Variants in LGALS3 observed in about 807,000 individuals in gnomAD.
LGALS3 encodes galectin-3.
A neutral mutation model predicts 20.7 loss-of-function variants in LGALS3; 18 were observed. That is an observed-to-expected ratio of 0.87 (90% CI 0.60 to 1.29). The LOEUF is 1.29. LGALS3 is among the 50% of genes most tolerant of loss of function. The pLI, the probability that LGALS3 is intolerant of heterozygous loss-of-function variation, is 0.00. For synonymous variants in LGALS3, 112 were observed against 119.6 expected, an observed-to-expected ratio of 0.94 and a Z score of 0.42; for missense variants, 315 against 314.7, an observed-to-expected ratio of 1.00 and a Z score of -0.01.
At chr14:55,139,120 T>G (rs1008237849) in intron 3 of LGALS3, among the ~76,000 whole-genome samples, 4 of 151,190 alleles carry the variant, frequency 2.6e-5, no homozygotes, top group African/African-American at 9.7e-5. Flanking sequence ...CTTGGGGGAG[T>G]GGGTGGCATT....
chr14:55,142,051 C>T (rs1481529347), intron 4 of LGALS3, among the ~76,000 whole-genome samples: 1 of 152,164 alleles, frequency 6.6e-6, no homozygotes, highest in Non-Finnish European at 1.5e-5. Context: ...TACAACTTAG[C>T]AACAAGATAC....
chr14:55,138,503 G>C, intron 3 of LGALS3, 135 bp downstream of exon 3: 1 of 925,276 alleles, frequency 1.1e-6, no homozygotes, highest in South Asian at 1.3e-5. Context: ...AAAAAATTAA[G>C]TGTTCATATT....
chr14:55,130,753 T>TTG (rs1555379987), intron 1 of LGALS3, among the ~76,000 whole-genome samples: 14 of 60,936 alleles, frequency 2.3e-4, no homozygotes, highest in African/African-American at 6.9e-4. Flanking sequence ...GTGGTGGTGG[T>TTG]GGGGGGGGGG....
chr14:55,130,679 C>T (rs923438477), intron 1 of LGALS3, among the ~76,000 whole-genome samples: 22 of 150,860 alleles, frequency 1.5e-4, no homozygotes, highest in African/African-American at 5.4e-4. Context: ...CCTGCCTCAG[C>T]CTCCCGAGTA....
At chr14:55,136,204 T>C (rs1881390128) in intron 1 of LGALS3, among the ~76,000 whole-genome samples, 2 of 152,186 alleles carry the variant, frequency 1.3e-5, no homozygotes, top group Admixed American at 1.3e-4. Flanking sequence ...CCCTCTTTGG[T>C]AGCATCTTAG....
chr14:55,144,289 T>G (rs1273786119), intron 5 of LGALS3, among the ~76,000 whole-genome samples: 2 of 152,128 alleles, frequency 1.3e-5, no homozygotes, highest in Admixed American at 6.5e-5. Context: ...ACCACAGATG[T>G]ATGCCACCCA....
At chr14:55,135,483 A>G (rs190906978) in intron 1 of LGALS3, among the ~76,000 whole-genome samples, 1 of 152,212 alleles carries the variant, frequency 6.6e-6, no homozygotes, top group Admixed American at 6.5e-5. Context: ...TCCAGTGTGT[A>G]TAAATGAAGC....
chr14:55,139,188 T>A (rs547941223), intron 3 of LGALS3, among the ~76,000 whole-genome samples: 1 of 152,028 alleles, frequency 6.6e-6, no homozygotes, highest in Non-Finnish European at 1.5e-5. Context: ...ACATGAAGGC[T>A]GTGGAAAGGA....
intron 1 of LGALS3, among the ~76,000 whole-genome samples, chr14:55,131,755 G>C (rs182453206): frequency 6.6e-6 from 1 of 152,158 alleles, no homozygotes; most frequent in Admixed American, 6.5e-5. Context: ...CAGCTTTTCC[G>C]TAGGGGGGAA....
At chr14:55,143,336 T>G (rs1594655298) in intron 5 of LGALS3, 1 of 275,638 alleles carries the variant, frequency 3.6e-6, no homozygotes, top group East Asian at 1.5e-4. Flanking sequence ...ACAGCTGGAG[T>G]GTAAACTCTT....
intron 1 of LGALS3, among the ~76,000 whole-genome samples, chr14:55,135,833 G>C (rs1881378431): frequency 6.6e-6 from 1 of 152,118 alleles, no homozygotes; most frequent in Admixed American, 6.5e-5. Context: ...CCAGTGTGCT[G>C]GGATTACAGG....
At position 55,138,203 on chromosome 14, in the gene LGALS3, T is replaced by G; in HGVS notation, c.177T>G (p.Pro59=). 1 of 1,612,742 alleles carries G rather than the reference T, an allele frequency of 6.2e-7. No homozygotes were observed. The highest frequency in any genetic ancestry group is 1.1e-5 in the South Asian group (1 of 91,060). The change falls in exon 3 of 6, where the codon CCT becomes CCG. Residue 59 remains proline, a synonymous_variant. Coordinates refer to ENST00000254301, the MANE Select transcript of LGALS3 (RefSeq NM_002306.4). ...APPGAYPGQA[P]PGAYPGAPGA... ...CAGGGGCTTATCCTGGACAGGCACC[T>G]CCAGGCGCCTACCCTGGAGCACCTG...
intron 5 of LGALS3, among the ~76,000 whole-genome samples, 174 bp from the exon 6 acceptor site, chr14:55,144,942 C>T (rs924900528): frequency 1.3e-5 from 2 of 152,224 alleles, no homozygotes; most frequent in Admixed American, 6.5e-5. Flanking sequence ...AAATGTTGGA[C>T]ATCCTGGGCT....
At chr14:55,130,366 TG>T (rs1419803850) in intron 1 of LGALS3, among the ~76,000 whole-genome samples, 1 of 152,144 alleles carries the variant, frequency 6.6e-6, no homozygotes, top group Non-Finnish European at 1.5e-5. Flanking sequence ...AAAGTGACTC[TG>T]GGAATTGGGT....
intron 5 of LGALS3, 44 bp downstream of exon 5, chr14:55,142,793 A>C: frequency 2.0e-6 from 3 of 1,489,852 alleles, no homozygotes; most frequent in Non-Finnish European, 1.9e-6. Flanking sequence ...TATATTTCTC[A>C]TGAGGAATCA....
chr14:55,145,168 A>G lies in LGALS3; in HGVS notation c.650A>G (p.His217Arg). 4 of 1,613,972 alleles carry G rather than the reference A, an allele frequency of 2.5e-6. No homozygotes were observed. The highest frequency in any genetic ancestry group is 2.5e-6 in the Non-Finnish European group (3 of 1,179,888). Residue 217 changes from histidine (H) to arginine (R), a missense_variant, in exon 6 of 6, where the codon CAC becomes CGC. His to Arg is a conservative substitution (Grantham distance 29). Coordinates refer to ENST00000254301, the MANE Select transcript of LGALS3 (RefSeq NM_002306.4). ...TTCAAGGTTGCAGTGAATGATGCTCACTTGTTGCAGTACAATCATCGGGTT... is the reference window on the plus strand; with the variant it reads ...TTCAAGGTTGCAGTGAATGATGCTCGCTTGTTGCAGTACAATCATCGGGTT... ...DHFKVAVNDAHLLQYNHRVKK... is the reference protein window; with the variant it reads ...DHFKVAVNDARLLQYNHRVKK...
At chr14:55,144,535 A>C (rs1295823108) in intron 5 of LGALS3, among the ~76,000 whole-genome samples, 1 of 152,154 alleles carries the variant, frequency 6.6e-6, no homozygotes, top group Admixed American at 6.5e-5. Flanking sequence ...TTTAAAAAAA[A>C]AACCTGAATA....
chr14:55,144,938 T>G (rs1429638815), intron 5 of LGALS3, among the ~76,000 whole-genome samples, 178 bp from the exon 6 acceptor site: 1 of 152,260 alleles, frequency 6.6e-6, no homozygotes, highest in East Asian at 1.9e-4. Context: ...GATGAAATGT[T>G]GGACATCCTG....
intron 4 of LGALS3, among the ~76,000 whole-genome samples, chr14:55,141,334 A>G (rs1020485163): frequency 1.3e-5 from 2 of 152,222 alleles, no homozygotes; most frequent in Non-Finnish European, 2.9e-5. Flanking sequence ...ATTACAAAAT[A>G]TATACATCCT....
Sources: allele counts gnomAD v4.1 joint callset (sites outside exome capture counted in the v4.1 genomes callset), GRCh38; gene constraint gnomAD v4.1.1; transcripts MANE v1.5; gene names NCBI Gene and HGNC (gene_info 2026-07-23, HGNC 2026-07-21).